Variants in CNTNAP2 observed in about 807,000 individuals in gnomAD.
CNTNAP2 encodes the protein contactin associated protein 2.
In CNTNAP2, 98 loss-of-function variants were observed where a neutral mutation model predicts 155.2. The observed-to-expected ratio is 0.63, with a 90% CI of 0.54 to 0.75. CNTNAP2 has a LOEUF of 0.75. Among genes scored for constraint, CNTNAP2 ranks in the 30% least tolerant of loss-of-function variants. The pLI is 0.00. For synonymous variants in CNTNAP2, 651 were observed against 631.2 expected, an observed-to-expected ratio of 1.03 and a Z score of -0.47; for missense variants, 1,727 against 1,688.1, an observed-to-expected ratio of 1.02 and a Z score of -0.40.
intron 10 of CNTNAP2, among the ~76,000 whole-genome samples, chr7:147,467,695 T>C (rs1001197518): frequency 2.0e-5 from 3 of 152,198 alleles, no homozygotes; most frequent in African/African-American, 7.2e-5. Context: ...CACGATATTA[T>C]ATTATCCAAT....
chr7:147,609,607 T>C (rs1474289287), intron 12 of CNTNAP2, among the ~76,000 whole-genome samples: 1 of 151,874 alleles, frequency 6.6e-6, no homozygotes. Context: ...AGGAGGAAAT[T>C]GTTGACTGTC....
At chr7:146,589,536 G>T (rs916770620) in intron 1 of CNTNAP2, among the ~76,000 whole-genome samples, 1 of 152,014 alleles carries the variant, frequency 6.6e-6, no homozygotes, top group Non-Finnish European at 1.5e-5. Flanking sequence ...ACTCATAACT[G>T]GGAGTTGAAC....
chr7:147,420,789 A>G (rs1797278028), intron 10 of CNTNAP2, among the ~76,000 whole-genome samples: 1 of 152,212 alleles, frequency 6.6e-6, no homozygotes, highest in Non-Finnish European at 1.5e-5. Context: ...TATATTAATA[A>G]TTTCTGAAAG....
At chr7:147,419,765 ATTC>A (rs1289353735) in intron 10 of CNTNAP2, among the ~76,000 whole-genome samples, 2 of 152,174 alleles carry the variant, frequency 1.3e-5, no homozygotes, top group African/African-American at 2.4e-5. Context: ...TTTGAAAATA[ATTC>A]TTCTTGATCT....
intron 10 of CNTNAP2, among the ~76,000 whole-genome samples, chr7:147,413,839 A>C (rs1170081288): frequency 6.6e-6 from 1 of 152,176 alleles, no homozygotes; most frequent in Non-Finnish European, 1.5e-5. Context: ...AGGTAGTGAC[A>C]AAAAAGATCA....
chr7:147,802,336 C>T (rs1019750476), intron 13 of CNTNAP2, among the ~76,000 whole-genome samples: 4 of 150,966 alleles, frequency 2.6e-5, no homozygotes, highest in Non-Finnish European at 4.4e-5. Context: ...AGACGATGGG[C>T]GGCCAGGCAG....
Position 146,551,380 on chromosome 7 carries a change from C to G in CNTNAP2, c.98-222891C>G, listed in dbSNP as rs555479910. ...TTCAATTCCCACCTATGAGTGAGAA[C>G]ATGTGGTGTTTGGTTTTTTGTCCTT... On this transcript the variant is annotated intron_variant, in intron 1 of 23. Transcript: ENST00000361727. Among the ~76,000 whole-genome samples, 26 of 151,974 alleles carry G rather than the reference C, an allele frequency of 1.7e-4. No individual in the cohort carries two copies. The South Asian group carries it at 5.2e-3, about 30-fold the overall frequency.
chr7:146,560,754 G>A (rs1002152440), intron 1 of CNTNAP2, among the ~76,000 whole-genome samples: 7 of 152,050 alleles, frequency 4.6e-5, no homozygotes, highest in African/African-American at 9.7e-5. Context: ...TTCTAACCAA[G>A]AAAATGTCAG....
intron 1 of CNTNAP2, among the ~76,000 whole-genome samples, chr7:146,699,635 AG>A (rs1210589649): frequency 6.6e-6 from 1 of 152,088 alleles, no homozygotes; most frequent in Non-Finnish European, 1.5e-5. Context: ...ATTGGGCTGT[AG>A]TAAACTAGTT....
chr7:147,032,385 T>C (rs1799052316), intron 3 of CNTNAP2, among the ~76,000 whole-genome samples: 1 of 152,220 alleles, frequency 6.6e-6, no homozygotes, highest in Admixed American at 6.5e-5. Context: ...ATCAATATGA[T>C]ACATGACCAA....
At chr7:146,911,952 A>G (rs894907584) in intron 3 of CNTNAP2, among the ~76,000 whole-genome samples, 7 of 152,192 alleles carry the variant, frequency 4.6e-5, no homozygotes, top group African/African-American at 1.7e-4. Context: ...AACACATGGT[A>G]TAATGATTTC....
At chr7:147,829,113 G>T (rs941611401) in intron 13 of CNTNAP2, among the ~76,000 whole-genome samples, 56 of 152,094 alleles carry the variant, frequency 3.7e-4, no homozygotes, top group African/African-American at 1.3e-3. Flanking sequence ...TCTTTATGCT[G>T]AATTTTTCTC....
intron 14 of CNTNAP2, among the ~76,000 whole-genome samples, chr7:147,939,618 C>G (rs536394400): frequency 2.6e-5 from 4 of 152,266 alleles, no homozygotes; most frequent in Non-Finnish European, 4.4e-5. Flanking sequence ...TGAGCCACCA[C>G]GCCTGGCCTC....
chr7:148,073,299 TG>T lies in CNTNAP2; in HGVS notation c.2384-44817del, dbSNP rs533772119. On this transcript the variant is annotated intron_variant, in intron 15 of 23. Transcript: ENST00000361727. The stretch of plus-strand genomic sequence containing the variant: ...TTCTAATGTAGAAACCATAATACCG[TG>T]GTCTTCCCCTTACCTACAGTTTCAT... Among the ~76,000 whole-genome samples the T allele has an allele frequency of 1.5e-3, 228 of 152,304 alleles. 2 individuals are homozygous for T. The highest frequency in any genetic ancestry group is 1.6e-4 in the Non-Finnish European group (11 of 68,026).
chr7:146,388,122 A>G (rs1435946278), intron 1 of CNTNAP2, among the ~76,000 whole-genome samples: 1 of 147,920 alleles, frequency 6.8e-6, no homozygotes, highest in African/African-American at 2.5e-5. Flanking sequence ...CATTTATTTT[A>G]TATTTTTTCT....
chr7:147,489,889 ACAGG>A (rs1227417047), intron 11 of CNTNAP2, among the ~76,000 whole-genome samples: 2 of 152,206 alleles, frequency 1.3e-5, no homozygotes, highest in Non-Finnish European at 1.5e-5. Flanking sequence ...TGCTGGGATT[ACAGG>A]CATGAGCCAC....
chr7:147,945,905 CG>C (rs1800813286), intron 14 of CNTNAP2, among the ~76,000 whole-genome samples: 1 of 120,010 alleles, frequency 8.3e-6, no homozygotes, highest in South Asian at 2.7e-4. Flanking sequence ...CTTACTCTGT[CG>C]CCCCAGGCTG....
chr7:147,688,412 C>T (rs919921944), intron 13 of CNTNAP2, among the ~76,000 whole-genome samples: 3 of 152,180 alleles, frequency 2.0e-5, no homozygotes, highest in African/African-American at 7.2e-5. Context: ...GCTAACTTCA[C>T]ATTTCCACCC....
At chr7:146,371,676 G>A (rs1795238839) in intron 1 of CNTNAP2, among the ~76,000 whole-genome samples, 1 of 151,864 alleles carries the variant, frequency 6.6e-6, no homozygotes, top group Admixed American at 6.6e-5. Flanking sequence ...TGCCAGCTGG[G>A]CGTGGTGGCT....
Sources: gnomAD v4.1 joint callset for allele counts (sites outside exome capture counted in the v4.1 genomes callset) on GRCh38, gnomAD v4.1.1 for gene constraint, MANE v1.5 for transcripts, NCBI Gene and HGNC (gene_info 2026-07-23, HGNC 2026-07-21) for gene names.